Variants in PLEC observed in about 807,000 individuals in gnomAD.
PLEC encodes plectin, also known as hemidesmosomal protein 1.
PLEC carries 216 observed loss-of-function variants against 392.8 expected under a neutral mutation model. The observed-to-expected ratio is 0.55, with a 90% CI of 0.49 to 0.62. PLEC has a LOEUF of 0.62. Ranked by LOEUF, PLEC falls within the 20% of genes least tolerant of loss-of-function variation. PLEC has a pLI of 0.00. For missense variants in PLEC, 6,863 were observed against 6,563.4 expected (o/e 1.05, Z -1.58); for synonymous variants, 3,621 against 2,980.6 (o/e 1.21, Z -7.00).
Position 143,917,295 on chromosome 8 carries a change from A to G in PLEC, c.12526T>C (p.Cys4176Arg). Reference sequence around the variant, plus strand: ...GAGATGGTGATCTCCTCCCACTCGCACTCCTGCTCGGACAGCTCCAGGTAC... The same window carrying G: ...GAGATGGTGATCTCCTCCCACTCGCGCTCCTGCTCGGACAGCTCCAGGTAC... ...QTYLELSEQE[C>R]EWEEITISSS... The change falls in exon 32 of 32, where the codon TGC (cysteine) becomes CGC (arginine). Residue 4176 changes from cysteine (C) to arginine (R), a missense_variant. Physicochemically the swap from Cys to Arg is radical, Grantham distance 180. Coordinates refer to ENST00000345136, the MANE Select transcript of PLEC (RefSeq NM_201384.3). 1 of 1,608,072 alleles carries G rather than the reference A, an allele frequency of 6.2e-7. No homozygotes were observed. Among genetic ancestry groups the G allele is most frequent in the Non-Finnish European group, 8.5e-7 (1 of 1,178,068 alleles).
chr8:143,939,697 C>A, upstream of PLEC: 15 of 1,351,044 alleles, frequency 1.1e-5, no homozygotes, highest in South Asian at 2.4e-4. Flanking sequence ...GGGGAGTGTC[C>A]CGGCGGGAAG....
rs782057389 is a variant in PLEC at position 143,918,322 on chromosome 8, C to T, written c.11499G>A (p.Thr3833=). Residue 3833 remains threonine, a synonymous_variant, in exon 32 of 32, where the codon ACG becomes ACA. Transcript: ENST00000345136. ...AYQRGYLNKD[T]HDQLSEPSEV... ...CGCTGGGCTCTGACAGCTGGTCGTG[C>T]GTGTCCTTGTTGAGGTAGCCACGCT... is the stretch of plus-strand genomic sequence containing the variant. The T allele has an allele frequency of 1.1e-5, 18 of 1,588,344 alleles. No individual in the cohort carries two copies. Among genetic ancestry groups the T allele is most frequent in the Admixed American group, 5.1e-5 (3 of 58,360 alleles).
chr8:143,950,673 G>C (rs1832052030), exon 1 of PLEC: 1 of 1,576,296 alleles, frequency 6.3e-7, no homozygotes, highest in African/African-American at 1.3e-5. Context: ...ATGGCCCGCA[G>C]CTGGTCCCGT....
upstream of PLEC, among the ~76,000 whole-genome samples, chr8:143,957,793 A>G (rs1451040318): frequency 6.6e-6 from 1 of 151,814 alleles, no homozygotes; most frequent in African/African-American, 2.4e-5. Context: ...TCCCTGCCCC[A>G]TCTTCACGCC....
upstream of PLEC, among the ~76,000 whole-genome samples, chr8:143,952,564 C>T (rs565260608): frequency 1.3e-5 from 2 of 152,096 alleles, no homozygotes; most frequent in African/African-American, 4.8e-5. Context: ...CGCACCCCCC[C>T]ACACTGACCT....
chr8:143,926,126 C>T (rs1352034465), intron 30 of PLEC, among the ~76,000 whole-genome samples: 1 of 152,230 alleles, frequency 6.6e-6, no homozygotes, highest in Non-Finnish European at 1.5e-5. Flanking sequence ...CCCTGCTTCC[C>T]GCAGACAGGC....
chr8:143,976,367 G>C (rs1159435812), upstream of PLEC, among the ~76,000 whole-genome samples: 1 of 152,134 alleles, frequency 6.6e-6, no homozygotes, highest in Non-Finnish European at 1.5e-5. Flanking sequence ...CTCAGGCCAA[G>C]GGCTAAGGAG....
At chr8:143,946,471 A>T (rs1355033107) in intron 1 of PLEC, 1 of 1,102,168 alleles carries the variant, frequency 9.1e-7, no homozygotes, top group Non-Finnish European at 1.2e-6. Context: ...GGTGGGAGGC[A>T]GAGGGAGGGC....
At chr8:143,956,889 G>A (rs968905979), upstream of PLEC, among the ~76,000 whole-genome samples, 1 of 152,118 alleles carries the variant, frequency 6.6e-6, no homozygotes, top group Non-Finnish European at 1.5e-5. Flanking sequence ...TCAGCCAGCT[G>A]CACGTCAGTC....
At chr8:143,933,169 G>T (rs1019497928) in intron 13 of PLEC, 28 bp downstream of exon 13, 20 of 1,610,098 alleles carry the variant, frequency 1.2e-5, no homozygotes, top group African/African-American at 9.4e-5. Context: ...GTGTACCTGG[G>T]CTTCAGGGAG....
chr8:143,935,164 G>A (rs1554721990), intron 7 of PLEC, 34 bp downstream of exon 7: 2 of 1,611,412 alleles, frequency 1.2e-6, no homozygotes, highest in African/African-American at 1.3e-5. Context: ...AGGCAGCAGG[G>A]GAAGGGACAG....
At chr8:143,975,220 C>A (rs201474629), upstream of PLEC, 20 of 1,604,630 alleles carry the variant, frequency 1.2e-5, no homozygotes, top group East Asian at 4.5e-4. The surrounding 1 kb of genome is among the most constrained non-coding windows in gnomAD (Gnocchi z 9.9). Flanking sequence ...CCAGGACACT[C>A]CCGTTGCTCC....
exon 1 of PLEC, chr8:143,950,595 G>A: frequency 6.2e-7 from 1 of 1,607,676 alleles, no homozygotes. Flanking sequence ...GGCACATGGG[G>A]GTGCAAGCTG....
At chr8:143,949,016 G>A (rs570296733) in intron 1 of PLEC, among the ~76,000 whole-genome samples, 4 of 152,342 alleles carry the variant, frequency 2.6e-5, no homozygotes, top group East Asian at 1.9e-4. Context: ...GTCCAAAGCC[G>A]CAGAGAGAGC....
exon 1 of PLEC, chr8:143,950,755 G>T: frequency 6.5e-7 from 1 of 1,538,340 alleles, no homozygotes; most frequent in South Asian, 1.2e-5. Flanking sequence ...AGCAGGCAGG[G>T]TACCACGAGA....
intron 30 of PLEC, 61 bp downstream of exon 30, chr8:143,926,723 G>T: frequency 1.5e-6 from 2 of 1,369,912 alleles, no homozygotes; most frequent in Non-Finnish European, 2.1e-6. Context: ...GTGGCTGTGT[G>T]TGGGACACAA....
At chr8:143,975,127 GT>G (rs1554745579), upstream of PLEC, 2 of 1,579,126 alleles carry the variant, frequency 1.3e-6, no homozygotes, top group African/African-American at 2.7e-5. The surrounding 1 kb of genome is among the most constrained non-coding windows in gnomAD (Gnocchi z 9.9). Context: ...CGGGAACTCA[GT>G]CAACCTCGCG....
intron 3 of PLEC, 127 bp downstream of exon 3, chr8:143,938,024 A>T: frequency 1.4e-6 from 1 of 692,440 alleles, no homozygotes. Flanking sequence ...GCCCCCAGGG[A>T]GAAGGCAGGA....
chr8:143,969,699 C>G lies in PLEC; in HGVS notation c.70+3704G>C, dbSNP rs1833316275. On this transcript the variant is annotated intron_variant, in intron 1 of 31. Transcript: ENST00000356346. The surrounding 1 kb of genome is among the most constrained non-coding windows in gnomAD (Gnocchi z 5.1). ...CAGGGGCCTGTCCTGGGGGTCAGGG[C>G]ATGAGTGCAGGCCGGGGAGTGGGGA... Among the ~76,000 whole-genome samples, 1 of 151,812 alleles carries G rather than the reference C, an allele frequency of 6.6e-6. No homozygotes were observed. Among genetic ancestry groups the G allele is most frequent in the South Asian group, 2.1e-4 (1 of 4,798 alleles).
Sources: allele counts gnomAD v4.1 joint callset (sites outside exome capture counted in the v4.1 genomes callset), GRCh38; gene constraint gnomAD v4.1.1; non-coding constraint Gnocchi (gnomAD v3.1); transcripts MANE v1.5; gene names NCBI Gene and HGNC (gene_info 2026-07-23, HGNC 2026-07-21).